Variants in KIAA0825 observed in about 807,000 individuals in gnomAD.
KIAA0825 encodes the protein uncharacterized protein KIAA0825.
KIAA0825 carries 119 observed loss-of-function variants against 147.6 expected under a neutral mutation model. The observed-to-expected ratio is 0.81, with a 90% confidence interval of 0.69 to 0.94. KIAA0825 has a LOEUF of 0.94. KIAA0825 is among the 40% of genes least tolerant of loss of function. KIAA0825 has a pLI of 0.00. For missense variants in KIAA0825, 1,381 were observed against 1,472.7 expected (o/e 0.94, Z 1.02); for synonymous variants, 470 against 518.1 (o/e 0.91, Z 1.26).
At chr5:94,585,966 G>A (rs886244762) in intron 1 of KIAA0825, among the ~76,000 whole-genome samples, 1 of 152,046 alleles carries the variant, frequency 6.6e-6, no homozygotes, top group African/African-American at 2.4e-5. Flanking sequence ...CATGAAGGCA[G>A]AATACAGATG....
In KIAA0825 at chr5:94,152,372, A is replaced by G. The variant is rs2149894158; in HGVS notation, c.*1635T>C. ...CAGAAAACATGAAGTTTGATGTCAT[A>G]TGGTCTAAAATAGCCCATGATGTAA... On this transcript the variant is annotated 3_prime_UTR_variant, in exon 21 of 21. Coordinates refer to ENST00000682413, the MANE Select transcript of KIAA0825 (RefSeq NM_001145678.3). Among the ~76,000 whole-genome samples, 1 of 152,278 alleles carries G rather than the reference A, an allele frequency of 6.6e-6. No individual in the cohort carries two copies. Among genetic ancestry groups the G allele is most frequent in the South Asian group, 2.1e-4 (1 of 4,820 alleles).
intron 20 of KIAA0825, among the ~76,000 whole-genome samples, chr5:94,344,382 A>G (rs1183964724): frequency 1.3e-5 from 2 of 152,236 alleles, no homozygotes; most frequent in Non-Finnish European, 2.9e-5. Context: ...GTTTTCAAAA[A>G]GAACAAATCT....
At chr5:94,454,275 C>T (rs1296050453) in intron 12 of KIAA0825, among the ~76,000 whole-genome samples, 1 of 152,158 alleles carries the variant, frequency 6.6e-6, no homozygotes, top group Non-Finnish European at 1.5e-5. Flanking sequence ...TCTTTATATA[C>T]AGTACAGGAG....
At chr5:94,398,821 A>T (rs760764533) in intron 16 of KIAA0825, among the ~76,000 whole-genome samples, 2 of 152,172 alleles carry the variant, frequency 1.3e-5, no homozygotes, top group Admixed American at 6.6e-5. Flanking sequence ...GTTCTTTGGT[A>T]AAACGTTCTT....
chr5:94,336,459 T>A (rs1198337770), intron 20 of KIAA0825, among the ~76,000 whole-genome samples: 1 of 145,774 alleles, frequency 6.9e-6, no homozygotes, highest in Non-Finnish European at 1.5e-5. Context: ...CCCCTCCTTG[T>A]GTCCATGTGT....
chr5:94,370,802 G>C (rs1313877642), intron 20 of KIAA0825, among the ~76,000 whole-genome samples: 2 of 151,938 alleles, frequency 1.3e-5, no homozygotes, highest in Non-Finnish European at 2.9e-5. Context: ...CCAGCTACTC[G>C]GGAGCCTGAG....
chr5:94,441,271 C>T (rs766421354), intron 13 of KIAA0825, among the ~76,000 whole-genome samples: 5 of 142,130 alleles, frequency 3.5e-5, no homozygotes, highest in Middle Eastern at 3.5e-3. Flanking sequence ...GGATTGGGGG[C>T]GGGGAGCGGG....
intron 20 of KIAA0825, among the ~76,000 whole-genome samples, chr5:94,166,595 C>T (rs560226671): frequency 6.7e-6 from 1 of 150,070 alleles, no homozygotes; most frequent in Non-Finnish European, 1.5e-5. Flanking sequence ...GCAAACTCCG[C>T]CTCCCGGGTT....
chr5:94,582,093 A>C (rs1426658789), intron 2 of KIAA0825, among the ~76,000 whole-genome samples: 1 of 152,250 alleles, frequency 6.6e-6, no homozygotes, highest in African/African-American at 2.4e-5. Flanking sequence ...AAAGACAAGT[A>C]AAGTCAGTTA....
chr5:94,431,803 C>A (rs1187036947), intron 14 of KIAA0825, among the ~76,000 whole-genome samples: 1 of 152,188 alleles, frequency 6.6e-6, no homozygotes, highest in Non-Finnish European at 1.5e-5. Flanking sequence ...TTATAAATTA[C>A]AAATCTATGA....
intron 5 of KIAA0825, among the ~76,000 whole-genome samples, chr5:94,512,033 T>C (rs1191087095): frequency 6.6e-6 from 1 of 152,006 alleles, no homozygotes; most frequent in Non-Finnish European, 1.5e-5. Flanking sequence ...TTTGACTTTA[T>C]AAATGTGATG....
chr5:94,201,077 T>C (rs1371909738), intron 20 of KIAA0825, among the ~76,000 whole-genome samples: 3 of 148,918 alleles, frequency 2.0e-5, no homozygotes, highest in Non-Finnish European at 4.4e-5. Flanking sequence ...AAATACTTTG[T>C]GGAAGCATAA....
chr5:94,455,872 G>T (rs1759036668), intron 12 of KIAA0825, among the ~76,000 whole-genome samples: 1 of 152,148 alleles, frequency 6.6e-6, no homozygotes, highest in African/African-American at 2.4e-5. Context: ...GTTACCCAAG[G>T]TTGGACAAAG....
At chr5:94,323,093 G>A (rs1780348553) in intron 20 of KIAA0825, among the ~76,000 whole-genome samples, 1 of 151,766 alleles carries the variant, frequency 6.6e-6, no homozygotes, top group Non-Finnish European at 1.5e-5. Context: ...CGATGGATAT[G>A]GCTTTCGAAC....
chr5:94,249,629 G>C (rs555788758), intron 20 of KIAA0825, among the ~76,000 whole-genome samples: 3 of 152,042 alleles, frequency 2.0e-5, no homozygotes, highest in East Asian at 3.9e-4. Flanking sequence ...CTGATAACCT[G>C]CTGTTCTCTC....
At chr5:94,245,894 G>A (rs1775582846) in intron 20 of KIAA0825, among the ~76,000 whole-genome samples, 1 of 150,098 alleles carries the variant, frequency 6.7e-6, no homozygotes, top group African/African-American at 2.5e-5. Flanking sequence ...ACTCTTAATA[G>A]AAGGCTGTTT....
chr5:94,307,472 T>C (rs1778818657), intron 20 of KIAA0825, among the ~76,000 whole-genome samples: 1 of 151,808 alleles, frequency 6.6e-6, no homozygotes. Context: ...TAGTCCTTTC[T>C]GTGGAATATA....
intron 5 of KIAA0825, among the ~76,000 whole-genome samples, chr5:94,504,952 T>C (rs1765561648): frequency 6.6e-6 from 1 of 151,966 alleles, no homozygotes; most frequent in Non-Finnish European, 1.5e-5. Context: ...TTCCCTATGT[T>C]GGCCAGGATG....
intron 15 of KIAA0825, among the ~76,000 whole-genome samples, chr5:94,408,452 C>A (rs1184326334): frequency 6.6e-6 from 1 of 152,062 alleles, no homozygotes; most frequent in Non-Finnish European, 1.5e-5. Context: ...TGGGTTCAAG[C>A]AATTCTGCCT....
Sources: allele counts gnomAD v4.1 joint callset (sites outside exome capture counted in the v4.1 genomes callset), GRCh38; gene constraint gnomAD v4.1.1; transcripts MANE v1.5; gene names NCBI Gene and HGNC (gene_info 2026-07-23, HGNC 2026-07-21).